The following UCP1 variants were observed in gnomAD, a reference collection of about 807,000 sequenced individuals.
The protein encoded by UCP1 is mitochondrial brown fat uncoupling protein 1.
Under a neutral mutation model 26.2 loss-of-function variants are expected in UCP1, and 24 were observed. That is an observed-to-expected ratio of 0.92 (90% confidence interval 0.66 to 1.29). The LOEUF (loss-of-function observed/expected upper bound fraction) is 1.29, where lower values mean the gene tolerates loss of function less well. Among genes scored for constraint, UCP1 ranks in the 50% most tolerant of loss-of-function variants. The pLI is 0.00. For missense variants in UCP1, 402 were observed against 388.7 expected (o/e 1.03, Z -0.29); for synonymous variants, 164 against 156.8 (o/e 1.05, Z -0.34).
chr4:140,563,052 G>T, intron 4 of UCP1, 58 bp downstream of exon 4: 1 of 1,356,820 alleles, frequency 7.4e-7, no homozygotes, highest in Non-Finnish European at 1.1e-6. Context: ...GGCTGCAGAA[G>T]CTCCAAGATG....
intron 2 of UCP1, among the ~76,000 whole-genome samples, chr4:140,567,489 T>C (rs991401639): frequency 6.6e-6 from 1 of 152,212 alleles, no homozygotes; most frequent in Admixed American, 6.5e-5. Flanking sequence ...TGGAGAACTT[T>C]AAGTTAAACA....
chr4:140,563,558 A>G (rs1372972334), intron 2 of UCP1, 40 bp from the exon 3 acceptor site: 2 of 1,578,562 alleles, frequency 1.3e-6, no homozygotes, highest in African/African-American at 2.7e-5. Flanking sequence ...AAAAAAATTA[A>G]AGACCTAGAA....
In UCP1 at chr4:140,567,839, C is replaced by CG; in HGVS notation, c.264dup (p.Ala89ArgfsTer24). 1 of 1,614,138 alleles carries CG rather than the reference C, an allele frequency of 6.2e-7. No homozygotes were observed. ...TCGTAGAGGCCGATCCTGAGAGAGGCGGAGCTGATTTGCCGCTGAAGCCCC... is the reference window on the plus strand; with the variant it reads ...TCGTAGAGGCCGATCCTGAGAGAGGCGGGAGCTGATTTGCCGCTGAAGCCCC... On this transcript the variant is annotated frameshift_variant, in exon 2 of 6. Transcript: ENST00000262999. LOFTEE classifies it high-confidence loss of function.
chr4:140,566,364 T>C (rs1315563457), intron 2 of UCP1, among the ~76,000 whole-genome samples: 1 of 152,188 alleles, frequency 6.6e-6, no homozygotes, highest in African/African-American at 2.4e-5. Context: ...ATAAACTGAA[T>C]CTATATAACA....
Position 140,567,816 on chromosome 4 carries a change from G to T in UCP1, c.288C>A (p.Tyr96Ter), listed in dbSNP as rs1022868625. The change falls in exon 2 of 6, where the codon TAC (tyrosine) becomes TAA (stop). Residue 96 changes from tyrosine to a stop codon, truncating the protein, a stop_gained. Coordinates refer to ENST00000262999, the MANE Select transcript of UCP1 (RefSeq NM_021833.5). LOFTEE classifies it high-confidence loss of function. ...CGGTGAGGAACTCCTGGACCGTGTC[G>T]TAGAGGCCGATCCTGAGAGAGGCGG... ...ISSASLRIGL[Y>*]DTVQEFLTAG... The T allele has an allele frequency of 1.4e-5, 23 of 1,613,978 alleles. No homozygotes were observed. The African/African-American group carries it at 2.4e-4, about 17-fold the overall frequency.
chr4:140,559,745 A>C lies in UCP1; in HGVS notation c.*151T>G, dbSNP rs1735636785. On this transcript the variant is annotated 3_prime_UTR_variant, in exon 6 of 6. Coordinates refer to ENST00000262999, the MANE Select transcript of UCP1 (RefSeq NM_021833.5). ...AAAAAGTTATATGAAATAGGCATTAATTTTCCTCTTTTTTATATAAAAAAG... is the reference window on the plus strand; with the variant it reads ...AAAAAGTTATATGAAATAGGCATTACTTTTCCTCTTTTTTATATAAAAAAG... 1 of 723,506 alleles carries C rather than the reference A, an allele frequency of 1.4e-6. No individual in the cohort carries two copies. Among genetic ancestry groups the C allele is most frequent in the South Asian group, 1.8e-5 (1 of 55,588 alleles). The allele number at this position is 723,506 out of a possible 1,614,324, so 44.8% of individuals were successfully genotyped here.
intron 4 of UCP1, 56 bp from the exon 5 acceptor site, chr4:140,562,429 G>T: frequency 3.2e-6 from 5 of 1,570,696 alleles, no homozygotes; most frequent in Non-Finnish European, 1.7e-6. Context: ...TTGCAATTTA[G>T]TTATCTGTCA....
In UCP1 at chr4:140,559,851, C is replaced by G; in HGVS notation, c.*45G>C. The G allele has an allele frequency of 6.9e-7, 1 of 1,457,294 alleles. No homozygotes were observed. Among genetic ancestry groups the G allele is most frequent in the Non-Finnish European group, 9.6e-7 (1 of 1,037,890 alleles). The allele number at this position is 1,457,294 out of a possible 1,614,324, so 90.3% of individuals were successfully genotyped here. On this transcript the variant is annotated 3_prime_UTR_variant, in exon 6 of 6. Transcript: ENST00000262999. ...GTTTTGTTTGTTTTTATGATCCAGT[C>G]AGCAAGATTCCCACTGGTATGTTAC... is the stretch of plus-strand genomic sequence containing the variant.
chr4:140,565,849 G>C (rs982281308), intron 2 of UCP1, among the ~76,000 whole-genome samples: 1 of 151,424 alleles, frequency 6.6e-6, no homozygotes, highest in Non-Finnish European at 1.5e-5. Context: ...TGTAATTACA[G>C]TTAGTCATGT....
chr4:140,562,456 T>C lies in UCP1; in HGVS notation c.629-83A>G, dbSNP rs1339472517. 27 of 1,341,632 alleles carry C rather than the reference T, an allele frequency of 2.0e-5. No individual in the cohort carries two copies. The East Asian group carries it at 2.4e-4, about 12-fold the overall frequency. The allele number at this position is 1,341,632 out of a possible 1,614,324, so 83.1% of individuals were successfully genotyped here. A position where few individuals can be genotyped will look rare whatever the true frequency, so the allele number is the denominator to read the frequency against. Reference sequence around the variant, plus strand: ...TATCTGTCATATCTTTATAAACCTATTGATAACAGTAGGTCAATGAAGATG... The same window carrying C: ...TATCTGTCATATCTTTATAAACCTACTGATAACAGTAGGTCAATGAAGATG... On this transcript the variant is annotated intron_variant, in intron 4 of 5. Coordinates refer to ENST00000262999, the MANE Select transcript of UCP1 (RefSeq NM_021833.5).
chr4:140,568,834 G>C lies in UCP1; in HGVS notation c.-105C>G. 6.6e-7 allele frequency: 1 copy of C among 1,515,932 alleles called. No individual in the cohort carries two copies. The highest frequency in any genetic ancestry group is 8.8e-7 in the Non-Finnish European group (1 of 1,130,598). 93.9% of individuals were successfully genotyped at this position (1,515,932 alleles called of 1,614,324 possible). On this transcript the variant is annotated 5_prime_UTR_variant, in exon 1 of 6. It adds an upstream start codon to the 5' untranslated region. Coordinates refer to ENST00000262999, the MANE Select transcript of UCP1 (RefSeq NM_021833.5). ...CGCCTGTCCGCCGGGCAGCAAACCC[G>C]ATTTCTGTTTTTTGAACCGACCGCC...
At chr4:140,563,277 T>A in intron 3 of UCP1, 41 bp downstream of exon 3, 5 of 1,613,392 alleles carry the variant, frequency 3.1e-6, no homozygotes, top group Non-Finnish European at 4.2e-6. Flanking sequence ...GTTGTATGTA[T>A]GTGCTTTGGT....
intron 2 of UCP1, among the ~76,000 whole-genome samples, chr4:140,567,359 G>A (rs994810382): frequency 2.0e-5 from 3 of 152,158 alleles, no homozygotes; most frequent in Non-Finnish European, 2.9e-5. Context: ...CAAATGATGA[G>A]GGAAGCTTGT....
rs571666957 is a variant in UCP1, at chr4:140,560,579, A to C, written c.810-569T>G. 8.5e-5 allele frequency among the ~76,000 whole-genome samples: 13 copies of C among 152,298 alleles called. 1 individual carries two copies. The South Asian group carries it at 2.7e-3, about 32-fold the overall frequency. On this transcript the variant is annotated intron_variant, in intron 5 of 5. Coordinates refer to ENST00000262999, the MANE Select transcript of UCP1 (RefSeq NM_021833.5). Reference sequence around the variant, plus strand: ...AACCAAAGAAGTATTGAGTAGAGTCAAGAAATCAGTGCTGTCTCAATCTTG... The same window carrying C: ...AACCAAAGAAGTATTGAGTAGAGTCCAGAAATCAGTGCTGTCTCAATCTTG...
rs774583885 is a variant in UCP1 at position 140,563,090 on chromosome 4, T to C, written c.628+20A>G. ...CTTCTAAAGGTGCAGACCTGTTTGT[T>C]ATATGAAATGGGAAGTTACCTGCTA... is the stretch of plus-strand genomic sequence containing the variant. On this transcript the variant is annotated intron_variant, in intron 4 of 5. Transcript: ENST00000262999. 4 of 1,593,624 alleles carry C rather than the reference T, an allele frequency of 2.5e-6. No individual in the cohort carries two copies. The Admixed American group carries it at 6.7e-5, about 27-fold the overall frequency.
chr4:140,564,969 T>C (rs1560844728), intron 2 of UCP1, among the ~76,000 whole-genome samples: 2 of 152,236 alleles, frequency 1.3e-5, no homozygotes, highest in Non-Finnish European at 1.5e-5. Flanking sequence ...GCTACTCTGC[T>C]GAAGATGTTT....
At chr4:140,564,800 A>G (rs1173357572) in intron 2 of UCP1, among the ~76,000 whole-genome samples, 1 of 152,052 alleles carries the variant, frequency 6.6e-6, no homozygotes, top group East Asian at 1.9e-4. Flanking sequence ...CTATCCTCCA[A>G]TCTCCAACTT....
intron 1 of UCP1, 124 bp from the exon 2 acceptor site, chr4:140,568,101 C>T (rs939717838): frequency 2.2e-6 from 2 of 926,456 alleles, no homozygotes; most frequent in Non-Finnish European, 3.3e-6. Flanking sequence ...CATCCACCTC[C>T]CTCTACCGTG....
At position 140,568,833 on chromosome 4, in the gene UCP1, C is replaced by T. The variant is rs1800661; in HGVS notation, c.-104G>A. The T allele has an allele frequency of 0.071, 107,700 of 1,516,164 alleles. 4,402 individuals are homozygous for T. The highest frequency in any genetic ancestry group is 0.13 in the Middle Eastern group (736 of 5,654). 93.9% of individuals were successfully genotyped at this position (1,516,164 alleles called of 1,614,324 possible). ...ACGCCTGTCCGCCGGGCAGCAAACC[C>T]GATTTCTGTTTTTTGAACCGACCGC... On this transcript the variant is annotated 5_prime_UTR_variant, in exon 1 of 6. Coordinates refer to ENST00000262999, the MANE Select transcript of UCP1 (RefSeq NM_021833.5).
Sources: allele counts gnomAD v4.1 joint callset (sites outside exome capture counted in the v4.1 genomes callset), GRCh38; gene constraint gnomAD v4.1.1; transcripts MANE v1.5; gene names NCBI Gene and HGNC (gene_info 2026-07-23, HGNC 2026-07-21).